LRRTM3: variants seen among roughly 807,000 people sequenced by gnomAD.
LRRTM3 encodes the protein leucine rich repeat transmembrane neuronal 3.
In LRRTM3, 24 loss-of-function variants were observed where a neutral mutation model predicts 44.7. The ratio of observed to expected loss-of-function variants is 0.54; its 90% CI spans 0.39 to 0.76. LRRTM3 has a LOEUF of 0.76. Among genes scored for constraint, LRRTM3 ranks in the 30% least tolerant of loss-of-function variants. The pLI, the probability that LRRTM3 is intolerant of heterozygous loss-of-function variation, is 0.00. For missense variants in LRRTM3, 587 were observed against 702.2 expected, an observed-to-expected ratio of 0.84 and a Z score of 1.85; for synonymous variants, 277 against 278.7, an observed-to-expected ratio of 0.99 and a Z score of 0.06.
At chr10:67,015,039 C>T (rs559714454) in intron 2 of LRRTM3, among the ~76,000 whole-genome samples, 1 of 152,062 alleles carries the variant, frequency 6.6e-6, no homozygotes, top group African/African-American at 2.4e-5. Flanking sequence ...CAAGGGCACT[C>T]CAAAGTTGAG....
At chr10:66,963,250 C>G (rs542692649) in intron 2 of LRRTM3, among the ~76,000 whole-genome samples, 1 of 152,176 alleles carries the variant, frequency 6.6e-6, no homozygotes, top group Non-Finnish European at 1.5e-5. Flanking sequence ...CATGGAAGAG[C>G]AAGCACTTTG....
chr10:67,093,372 T>C (rs770756954), intron 2 of LRRTM3, among the ~76,000 whole-genome samples: 1 of 151,886 alleles, frequency 6.6e-6, no homozygotes, highest in Non-Finnish European at 1.5e-5. Context: ...AAGCATAAAT[T>C]GGGACTGTAC....
intron 2 of LRRTM3, among the ~76,000 whole-genome samples, chr10:67,074,642 G>A (rs553374909): frequency 1.5e-3 from 231 of 152,180 alleles, no homozygotes; most frequent in African/African-American, 5.3e-3. Context: ...GAGCCACCGC[G>A]CCCAACCCAC....
chr10:67,078,585 C>A (rs932701387), intron 2 of LRRTM3, among the ~76,000 whole-genome samples: 1 of 151,940 alleles, frequency 6.6e-6, no homozygotes, highest in Non-Finnish European at 1.5e-5. Context: ...GGTGCAATCT[C>A]GGCTCACTGC....
intron 2 of LRRTM3, among the ~76,000 whole-genome samples, chr10:66,970,663 C>T (rs2132824081): frequency 6.6e-6 from 1 of 152,220 alleles, no homozygotes; most frequent in African/African-American, 2.4e-5. Context: ...AGAAAATCTG[C>T]ATCTACATAA....
At position 67,006,842 on chromosome 10, in the gene LRRTM3, G is replaced by A. The variant is rs144108631; in HGVS notation, c.1536+78390G>A. Among the ~76,000 whole-genome samples, 642 of 151,706 alleles carry A rather than the reference G, an allele frequency of 4.2e-3. 4 individuals carry two copies. The highest frequency in any genetic ancestry group is 0.015 in the African/African-American group (610 of 41,364). ...GGAGTCTCACTCTGTTGCCCAGGCT[G>A]GAGTGCAGTGGCAAAATCTCAGCTC... On this transcript the variant is annotated intron_variant, in intron 2 of 2. Coordinates refer to ENST00000361320, the MANE Select transcript of LRRTM3 (RefSeq NM_178011.5).
At chr10:67,000,090 A>G (rs1851589861) in intron 2 of LRRTM3, among the ~76,000 whole-genome samples, 1 of 152,186 alleles carries the variant, frequency 6.6e-6, no homozygotes. Flanking sequence ...CATTTTCTCC[A>G]TATTTCTAAC....
chr10:66,968,827 G>A (rs969100623), intron 2 of LRRTM3, among the ~76,000 whole-genome samples: 1 of 152,002 alleles, frequency 6.6e-6, no homozygotes, highest in African/African-American at 2.4e-5. Context: ...GACGAGCCTG[G>A]CCAACATGGT....
At chr10:66,941,700 T>C (rs1406551549) in intron 2 of LRRTM3, among the ~76,000 whole-genome samples, 3 of 152,152 alleles carry the variant, frequency 2.0e-5, no homozygotes, top group Non-Finnish European at 4.4e-5. Context: ...GCTGCAGCCT[T>C]GACCGCACTG....
intron 2 of LRRTM3, among the ~76,000 whole-genome samples, chr10:67,033,442 G>A (rs1359337217): frequency 6.6e-6 from 1 of 152,126 alleles, no homozygotes; most frequent in Non-Finnish European, 1.5e-5. Context: ...TATTATCTAT[G>A]TATCAATACT....
chr10:66,990,915 T>G (rs1212580077), intron 2 of LRRTM3, among the ~76,000 whole-genome samples: 2 of 152,200 alleles, frequency 1.3e-5, no homozygotes, highest in Non-Finnish European at 2.9e-5. Context: ...TTGTTTTGAA[T>G]GGTGAGGCAA....
At chr10:67,055,899 G>T (rs1855399514) in intron 2 of LRRTM3, among the ~76,000 whole-genome samples, 1 of 152,070 alleles carries the variant, frequency 6.6e-6, no homozygotes, top group Non-Finnish European at 1.5e-5. Flanking sequence ...TTTAGTTATT[G>T]ACTGGGAATT....
At chr10:67,005,475 T>G (rs1412124328) in intron 2 of LRRTM3, among the ~76,000 whole-genome samples, 1 of 152,012 alleles carries the variant, frequency 6.6e-6, no homozygotes, top group African/African-American at 2.4e-5. Flanking sequence ...TGTGATCACA[T>G]AGGCCATAGG....
intron 2 of LRRTM3, among the ~76,000 whole-genome samples, chr10:66,948,669 A>G (rs892365157): frequency 4.6e-5 from 7 of 152,214 alleles, no homozygotes; most frequent in African/African-American, 1.4e-4. Context: ...GGGGTGTTCT[A>G]TCCTGGACTG....
Position 67,099,228 on chromosome 10 carries a change from T to C in LRRTM3, c.*1432T>C, listed in dbSNP as rs1260086547. On this transcript the variant is annotated 3_prime_UTR_variant, in exon 3 of 3. Transcript: ENST00000361320. ...ATCAAATTAAGAAAACCTGAGTCTT[T>C]AGAAGCTGAAATAATCAACTTGTTT... The C allele has an allele frequency of 2.0e-5, 3 of 151,832 alleles. No homozygotes were observed. Among genetic ancestry groups the C allele is most frequent in the African/African-American group, 7.2e-5 (3 of 41,406 alleles). The allele number at this position is 151,832 out of a possible 1,614,324, so 9.4% of individuals were successfully genotyped here.
At chr10:67,072,694 C>T (rs1022517217) in intron 2 of LRRTM3, among the ~76,000 whole-genome samples, 6 of 152,156 alleles carry the variant, frequency 3.9e-5, no homozygotes, top group Non-Finnish European at 7.3e-5. Context: ...ATATCTTTAT[C>T]TTCTGGGCCC....
At chr10:66,959,469 G>A (rs1006067275) in intron 2 of LRRTM3, among the ~76,000 whole-genome samples, 9 of 152,146 alleles carry the variant, frequency 5.9e-5, no homozygotes, top group Non-Finnish European at 1.2e-4. Context: ...ATTGGGCCAA[G>A]AGAACAAAAA....
At chr10:66,991,613 G>A (rs1031170129) in intron 2 of LRRTM3, among the ~76,000 whole-genome samples, 13 of 152,054 alleles carry the variant, frequency 8.5e-5, no homozygotes, top group South Asian at 2.1e-4. Flanking sequence ...GTGCAATGGC[G>A]TGATCTTGGC....
intron 2 of LRRTM3, among the ~76,000 whole-genome samples, chr10:67,084,468 A>T (rs1004612552): frequency 2.6e-5 from 4 of 151,906 alleles, no homozygotes; most frequent in Non-Finnish European, 5.9e-5. Flanking sequence ...TATTAATTTA[A>T]ATATTGTTTA....
Sources: allele counts gnomAD v4.1 joint callset (sites outside exome capture counted in the v4.1 genomes callset), GRCh38; gene constraint gnomAD v4.1.1; transcripts MANE v1.5; gene names NCBI Gene and HGNC (gene_info 2026-07-23, HGNC 2026-07-21).